Variants in ADGRG3 observed in about 807,000 individuals in gnomAD.
ADGRG3 encodes G protein-coupled receptor 97.
In ADGRG3, 39 loss-of-function variants were observed where a neutral mutation model predicts 54.3. That is an observed-to-expected ratio of 0.72 (90% CI 0.56 to 0.94). ADGRG3 has a LOEUF of 0.94. Ranked by LOEUF, ADGRG3 falls within the 40% of genes least tolerant of loss-of-function variation. The probability of loss-of-function intolerance (pLI) is 0.00; values close to 1 mark genes in which losing one functional copy is unlikely to be tolerated. For missense variants in ADGRG3, 654 were observed against 694.6 expected (o/e 0.94, Z 0.66); for synonymous variants, 312 against 290.0 (o/e 1.08, Z -0.77).
At position 57,685,744 on chromosome 16, in the gene ADGRG3, T is replaced by C. The variant is rs1209822538; in HGVS notation, c.1358T>C (p.Val453Ala). The stretch of plus-strand genomic sequence containing the variant: ...TTTGGCATGGTGGTCCTGGCCCTGG[T>C]GGTCTGGAAGATCTTCACCCTGTCC... ...FLFGMVVLALVVWKIFTLSRA... is the reference protein window; with the variant it reads ...FLFGMVVLALAVWKIFTLSRA... Residue 453 changes from valine to alanine, a missense_variant, in exon 11 of 12, where the codon GTG becomes GCG. Val to Ala is a moderately conservative substitution (Grantham distance 64, BLOSUM62 0). Coordinates refer to ENST00000333493, the MANE Select transcript of ADGRG3 (RefSeq NM_170776.5). The C allele has an allele frequency of 6.2e-7, 1 of 1,614,180 alleles. No homozygotes were observed. Among genetic ancestry groups the C allele is most frequent in the South Asian group, 1.1e-5 (1 of 91,082 alleles).
intron 3 of ADGRG3, 100 bp from the exon 4 acceptor site, chr16:57,678,070 C>T: frequency 1.4e-6 from 2 of 1,464,666 alleles, no homozygotes; most frequent in Non-Finnish European, 1.9e-6. Context: ...CAGGTGCTGC[C>T]CCCTACCCAG....
At chr16:57,680,684 G>A (rs2048352144) in intron 8 of ADGRG3, 67 bp downstream of exon 8, 2 of 1,110,708 alleles carry the variant, frequency 1.8e-6, no homozygotes, top group East Asian at 2.4e-5. Flanking sequence ...GGGCAGGGTG[G>A]GAAGCATTCA....
rs115420990 is a variant in ADGRG3, at chr16:57,672,211, A to T, written c.59-1110A>T. Among the ~76,000 whole-genome samples the T allele has an allele frequency of 5.5e-3, 829 of 151,946 alleles. 5 individuals are homozygous for T. The highest frequency in any genetic ancestry group is 0.019 in the African/African-American group (781 of 41,416). On this transcript the variant is annotated intron_variant, in intron 1 of 11. Coordinates refer to ENST00000333493, the MANE Select transcript of ADGRG3 (RefSeq NM_170776.5). ...AAAAAAAAAGATATATTGTTAAGTGATCTTATTTGTGTAAATTTAAAAAAC... is the reference window on the plus strand; with the variant it reads ...AAAAAAAAAGATATATTGTTAAGTGTTCTTATTTGTGTAAATTTAAAAAAC...
At chr16:57,674,172 G>A (rs2048215892) in intron 2 of ADGRG3, among the ~76,000 whole-genome samples, 2 of 152,120 alleles carry the variant, frequency 1.3e-5, no homozygotes, top group Non-Finnish European at 2.9e-5. Context: ...TGACCCAGTA[G>A]GATGCATCAC....
intron 7 of ADGRG3, 67 bp downstream of exon 7, chr16:57,680,432 G>GCTGC (rs1163357524): frequency 6.4e-7 from 1 of 1,561,740 alleles, no homozygotes; most frequent in Admixed American, 1.7e-5. Context: ...TGGGGAGGGG[G>GCTGC]CTGCCTGGTG....
At position 57,678,399 on chromosome 16, in the gene ADGRG3, C is replaced by T. The variant is rs189907149; in HGVS notation, c.492+83C>T. Reference sequence around the variant, plus strand: ...ACAGTTTGCTGTCACTGGAGCCTGCCGAGGGATCCAATGGGGACAGAGCAG... The same window carrying T: ...ACAGTTTGCTGTCACTGGAGCCTGCTGAGGGATCCAATGGGGACAGAGCAG... On this transcript the variant is annotated intron_variant, in intron 4 of 11. Coordinates refer to ENST00000333493, the MANE Select transcript of ADGRG3 (RefSeq NM_170776.5). 213 of 1,407,824 alleles carry T rather than the reference C, an allele frequency of 1.5e-4. 1 individual carries two copies. In the East Asian group the frequency reaches 4.4e-3, roughly 29 times the overall value. 87.2% of individuals were successfully genotyped at this position (1,407,824 alleles called of 1,614,324 possible). A position where few individuals can be genotyped will look rare whatever the true frequency, so the allele number is the denominator to read the frequency against.
intron 9 of ADGRG3, 36 bp from the exon 10 acceptor site, chr16:57,684,354 C>A (rs753699094): frequency 1.1e-5 from 17 of 1,585,962 alleles, no homozygotes; most frequent in African/African-American, 9.4e-5. Context: ...TGCCAGTAAG[C>A]CCCAGTGGTG....
chr16:57,666,286 T>C (rs1244735551), upstream of ADGRG3, among the ~76,000 whole-genome samples: 4 of 152,194 alleles, frequency 2.6e-5, no homozygotes, highest in Admixed American at 6.5e-5. Flanking sequence ...ACATTTTGTT[T>C]CTGCATCTGA....
At chr16:57,686,452 C>T (rs1337685130) in intron 11 of ADGRG3, among the ~76,000 whole-genome samples, 1 of 152,192 alleles carries the variant, frequency 6.6e-6, no homozygotes, top group Admixed American at 6.5e-5. Flanking sequence ...CAGGCCCCAC[C>T]TCCAACATTG....
At chr16:57,681,348 CTGTGTGTG>C (rs72283299) in intron 8 of ADGRG3, 13 of 135,476 alleles carry the variant, frequency 9.6e-5, no homozygotes, top group East Asian at 4.0e-4. Context: ...GTGTGTGTGT[CTGTGTGTG>C]TGTGTGTGTG....
chr16:57,676,592 G>A (rs1445632558), intron 3 of ADGRG3, among the ~76,000 whole-genome samples: 2 of 152,146 alleles, frequency 1.3e-5, no homozygotes, highest in African/African-American at 4.8e-5. Context: ...GGTTTATGCT[G>A]GTCTGGATTC....
At chr16:57,674,703 G>A in intron 2 of ADGRG3, 2 of 363,498 alleles carry the variant, frequency 5.5e-6, no homozygotes, top group South Asian at 2.0e-5. Context: ...TTATACATGG[G>A]CCAGGCACGG....
Position 57,678,176 on chromosome 16 carries a change from A to G in ADGRG3, c.352A>G (p.Arg118Gly). 6.2e-7 allele frequency: 1 copy of G among 1,614,018 alleles called. No homozygotes were observed. The highest frequency in any genetic ancestry group is 8.5e-7 in the Non-Finnish European group (1 of 1,179,968). Reference sequence around the variant, plus strand: ...GCTGTGTCTGTGGTTGTAGGTTCCGAGGCAGGTGATGAAGGACGAGGACAA... The same window carrying G: ...GCTGTGTCTGTGGTTGTAGGTTCCGGGGCAGGTGATGAAGGACGAGGACAA... ...YFSLEPSQVPRQVMKDEDKPP... is the reference protein window; with the variant it reads ...YFSLEPSQVPGQVMKDEDKPP... The change falls in exon 4 of 12, where the codon AGG becomes GGG. Residue 118 changes from arginine (R) to glycine (G), a missense_variant. By Grantham distance (125) the Arg-to-Gly change is moderately radical. Transcript: ENST00000333493.
chr16:57,680,429 G>A (rs1423669323), intron 7 of ADGRG3, 64 bp downstream of exon 7: 23 of 1,565,694 alleles, frequency 1.5e-5, no homozygotes, highest in Non-Finnish European at 1.8e-5. Context: ...CCCTGGGGAG[G>A]GGGCTGCCTG....
chr16:57,674,708 G>C, intron 2 of ADGRG3: 2 of 356,274 alleles, frequency 5.6e-6, no homozygotes, highest in Middle Eastern at 4.8e-4. Flanking sequence ...CATGGGCCAG[G>C]CACGGCGGCT....
intron 8 of ADGRG3, chr16:57,682,477 C>T: frequency 1.0e-6 from 1 of 985,090 alleles, no homozygotes; most frequent in Non-Finnish European, 1.2e-6. Flanking sequence ...TCACCCCCAC[C>T]CTCCAAGCCC....
chr16:57,680,378 T>A lies in ADGRG3; in HGVS notation c.768+13T>A. On this transcript the variant is annotated intron_variant, in intron 7 of 11. Transcript: ENST00000333493. The stretch of plus-strand genomic sequence containing the variant: ...CGCCCTGCTCCTGGTAACAGCCCCC[T>A]CCACTCTGATCCCAGCCATCCCAGG... 6.2e-7 allele frequency: 1 copy of A among 1,604,422 alleles called. No homozygotes were observed. Among genetic ancestry groups the A allele is most frequent in the Non-Finnish European group, 8.5e-7 (1 of 1,171,684 alleles).
intron 3 of ADGRG3, among the ~76,000 whole-genome samples, chr16:57,677,833 C>G (rs2048291062): frequency 1.3e-5 from 2 of 152,204 alleles, no homozygotes; most frequent in African/African-American, 4.8e-5. Flanking sequence ...AACACTGGGA[C>G]TGTTAGGGCC....
At position 57,684,149 on chromosome 16, in the gene ADGRG3, G is replaced by T; in HGVS notation, c.1099G>T (p.Ala367Ser). ...GLEAFHLYLL[A>S]VRVFNTYFGH... ...TGAAGCCTTCCACCTCTACCTGCTC[G>T]CTGTCAGGGTCTTCAACACCTACTT... Residue 367 changes from alanine (A) to serine (S), a missense_variant, in exon 9 of 12, where the codon GCT becomes TCT. Coordinates refer to ENST00000333493, the MANE Select transcript of ADGRG3 (RefSeq NM_170776.5). 3 of 1,614,000 alleles carry T rather than the reference G, an allele frequency of 1.9e-6. No homozygotes were observed. Among genetic ancestry groups the T allele is most frequent in the Non-Finnish European group, 2.5e-6 (3 of 1,179,962 alleles).
Sources: gnomAD v4.1 joint callset for allele counts (sites outside exome capture counted in the v4.1 genomes callset) on GRCh38, gnomAD v4.1.1 for gene constraint, MANE v1.5 for transcripts, NCBI Gene and HGNC (gene_info 2026-07-23, HGNC 2026-07-21) for gene names.